Variants in RNF144A observed in about 807,000 individuals in gnomAD.
RNF144A encodes the protein E3 ubiquitin-protein ligase RNF144A.
A neutral mutation model predicts 38.7 loss-of-function variants in RNF144A; 11 were observed. That is an observed-to-expected ratio of 0.28 (90% CI 0.18 to 0.47). RNF144A has a LOEUF of 0.47. Among genes scored for constraint, RNF144A ranks in the 20% least tolerant of loss-of-function variants. RNF144A has a pLI of 0.99. For synonymous variants in RNF144A, 149 were observed against 143.9 expected, an observed-to-expected ratio of 1.04 and a Z score of -0.25; for missense variants, 316 against 377.2, an observed-to-expected ratio of 0.84 and a Z score of 1.34.
At chr2:6,982,925 C>T (rs1055519601) in intron 2 of RNF144A, among the ~76,000 whole-genome samples, 3 of 152,184 alleles carry the variant, frequency 2.0e-5, no homozygotes, top group Non-Finnish European at 4.4e-5. Flanking sequence ...AATGGAATGC[C>T]ACAGCTTCTG....
At chr2:7,036,256 C>A (rs907910711) in intron 8 of RNF144A, among the ~76,000 whole-genome samples, 1 of 152,350 alleles carries the variant, frequency 6.6e-6, no homozygotes, top group South Asian at 2.1e-4. Flanking sequence ...AAGGGAGAAT[C>A]TTACCCAAAA....
intron 8 of RNF144A, among the ~76,000 whole-genome samples, chr2:7,038,661 T>C (rs1421669037): frequency 6.6e-6 from 1 of 151,538 alleles, no homozygotes; most frequent in Non-Finnish European, 1.5e-5. Context: ...AAGGGAAGAA[T>C]GTATAGTCGG....
At chr2:6,961,786 G>A (rs189141274) in intron 2 of RNF144A, among the ~76,000 whole-genome samples, 1 of 152,290 alleles carries the variant, frequency 6.6e-6, no homozygotes, top group East Asian at 1.9e-4. Context: ...CTTCCATGAA[G>A]TATTCCTGAC....
At chr2:7,032,021 C>T (rs369818980) in intron 8 of RNF144A, among the ~76,000 whole-genome samples, 2 of 152,374 alleles carry the variant, frequency 1.3e-5, no homozygotes, top group South Asian at 2.1e-4. Context: ...ATCTGAATTG[C>T]GTGGCACAGG....
chr2:7,004,149 A>T (rs561934132), intron 3 of RNF144A, among the ~76,000 whole-genome samples: 1 of 152,316 alleles, frequency 6.6e-6, no homozygotes, highest in Admixed American at 6.5e-5. Context: ...GTGCACTCAG[A>T]TTCTTCCTGC....
In RNF144A at chr2:7,040,525, C is replaced by T. The variant is rs930188846; in HGVS notation, c.*765C>T. ...AACATCTCATCTCCATTAGATTTGC[C>T]TTTTGTTGTTTTCTCTCTTTGGTGA... On this transcript the variant is annotated 3_prime_UTR_variant, in exon 9 of 9. Coordinates refer to ENST00000320892, the MANE Select transcript of RNF144A (RefSeq NM_014746.6). 1.4e-4 allele frequency: 135 copies of T among 985,264 alleles called. No individual in the cohort carries two copies. Among genetic ancestry groups the T allele is most frequent in the Middle Eastern group, 5.2e-4 (1 of 1,938 alleles). The allele number at this position is 985,264 out of a possible 1,614,324, so 61.0% of individuals were successfully genotyped here.
intron 2 of RNF144A, among the ~76,000 whole-genome samples, chr2:6,964,378 T>C (rs1157492506): frequency 6.6e-6 from 1 of 152,136 alleles, no homozygotes; most frequent in Non-Finnish European, 1.5e-5. Flanking sequence ...GGTGGGACTG[T>C]AAATTAGTTC....
At chr2:6,963,451 T>C (rs560572689) in intron 2 of RNF144A, among the ~76,000 whole-genome samples, 1 of 152,354 alleles carries the variant, frequency 6.6e-6, no homozygotes, top group Admixed American at 6.5e-5. Flanking sequence ...ATTAAATTCC[T>C]CGTGACTTGG....
intron 2 of RNF144A, among the ~76,000 whole-genome samples, chr2:6,978,157 C>T (rs770323831): frequency 1.2e-4 from 18 of 152,154 alleles, no homozygotes; most frequent in Admixed American, 3.3e-4. Context: ...CTCTGGAGGA[C>T]GTGGACTTCT....
chr2:7,040,380 CTCTT>C lies in RNF144A; in HGVS notation c.*622_*625del. On this transcript the variant is annotated 3_prime_UTR_variant, in exon 9 of 9. Transcript: ENST00000320892. ...CAGGAGATTTAGAAAGCCTTATGCA[CTCTT>C]TGTGTTTTTCTTGAAACTTGCTGTA... 4 of 985,326 alleles carry C rather than the reference CTCTT, an allele frequency of 4.1e-6. No individual in the cohort carries two copies. Among genetic ancestry groups the C allele is most frequent in the Non-Finnish European group, 4.8e-6 (4 of 829,892 alleles). 61.0% of individuals were successfully genotyped at this position (985,326 alleles called of 1,614,324 possible).
chr2:7,006,125 C>A (rs1670427654), intron 3 of RNF144A, among the ~76,000 whole-genome samples: 1 of 151,806 alleles, frequency 6.6e-6, no homozygotes, highest in Non-Finnish European at 1.5e-5. Context: ...ATCTCTGTTA[C>A]CCAGAATGTA....
At chr2:6,978,674 G>A (rs1398402809) in intron 2 of RNF144A, 2 of 152,582 alleles carry the variant, frequency 1.3e-5, no homozygotes, top group African/African-American at 4.8e-5. Flanking sequence ...CTCGAGGTTG[G>A]ACTCAGAACC....
intron 3 of RNF144A, among the ~76,000 whole-genome samples, chr2:7,012,106 A>G (rs896437524): frequency 6.6e-6 from 1 of 152,312 alleles, no homozygotes; most frequent in East Asian, 1.9e-4. Context: ...TCAGCATCGT[A>G]TATTGGTTTA....
At chr2:7,033,172 C>T (rs1672439955) in intron 8 of RNF144A, among the ~76,000 whole-genome samples, 1 of 152,280 alleles carries the variant, frequency 6.6e-6, no homozygotes, top group Admixed American at 6.5e-5. Context: ...CATACTCAGG[C>T]TTACCATCCT....
intron 2 of RNF144A, among the ~76,000 whole-genome samples, chr2:6,988,084 C>T (rs1223733071): frequency 2.0e-5 from 3 of 152,016 alleles, no homozygotes; most frequent in Admixed American, 6.6e-5. Context: ...CAAAGTGTTT[C>T]GTTTAAAAAT....
intron 1 of RNF144A, among the ~76,000 whole-genome samples, chr2:6,928,046 C>T (rs139228119): frequency 9.9e-4 from 150 of 152,276 alleles, no homozygotes; most frequent in Middle Eastern, 6.8e-3. Flanking sequence ...TCACTAGGCA[C>T]GTCCTACATG....
chr2:7,034,862 G>A (rs371399854), intron 8 of RNF144A, among the ~76,000 whole-genome samples: 3 of 152,284 alleles, frequency 2.0e-5, no homozygotes, highest in East Asian at 1.9e-4. Flanking sequence ...GGGAGCCTTC[G>A]GGAGTGCAGC....
intron 1 of RNF144A, among the ~76,000 whole-genome samples, chr2:6,928,147 A>G (rs1431235779): frequency 1.3e-5 from 2 of 152,158 alleles, no homozygotes; most frequent in African/African-American, 2.4e-5. Flanking sequence ...TTCAGACTCA[A>G]CTGTTCAACC....
chr2:6,945,030 A>G (rs1666243292), intron 2 of RNF144A, among the ~76,000 whole-genome samples: 1 of 152,236 alleles, frequency 6.6e-6, no homozygotes, highest in South Asian at 2.1e-4. Context: ...CCCAAGTAGG[A>G]AATATCAGTA....
Sources: gnomAD v4.1 joint callset for allele counts (sites outside exome capture counted in the v4.1 genomes callset) on GRCh38, gnomAD v4.1.1 for gene constraint, MANE v1.5 for transcripts, NCBI Gene and HGNC (gene_info 2026-07-23, HGNC 2026-07-21) for gene names.